Variants in STK35 observed in about 807,000 individuals in gnomAD.
The protein encoded by STK35 is serine/threonine-protein kinase 35.
Under a neutral mutation model 37.3 loss-of-function variants are expected in STK35, and 17 were observed. The ratio of observed to expected loss-of-function variants is 0.46; its 90% CI spans 0.31 to 0.68. STK35 has a LOEUF of 0.68. Among genes scored for constraint, STK35 ranks in the 30% least tolerant of loss-of-function variants. The pLI, the probability that STK35 is intolerant of heterozygous loss-of-function variation, is 0.05. For synonymous variants in STK35, 385 were observed against 319.1 expected (o/e 1.21, Z -2.20); for missense variants, 595 against 746.7 (o/e 0.80, Z 2.37).
At chr20:2,103,462 G>T in intron 2 of STK35, 97 bp downstream of exon 2, 32 of 1,200,752 alleles carry the variant, frequency 2.7e-5, no homozygotes, top group Admixed American at 4.9e-5. Flanking sequence ...CTAGGCCTCA[G>T]ACCTGGTCCC....
intron 2 of STK35, among the ~76,000 whole-genome samples, chr20:2,106,051 C>T (rs187639315): frequency 1.3e-5 from 2 of 152,302 alleles, no homozygotes; most frequent in Admixed American, 6.5e-5. Flanking sequence ...ATGAAAATGA[C>T]ATTCAAGCTG....
At chr20:2,134,393 T>G (rs1211633897) in intron 3 of STK35, among the ~76,000 whole-genome samples, 1 of 151,760 alleles carries the variant, frequency 6.6e-6, no homozygotes, top group Non-Finnish European at 1.5e-5. Flanking sequence ...CTCCAAACAC[T>G]CTTTGGCCTG....
At chr20:2,134,224 C>T (rs1051667600) in intron 3 of STK35, among the ~76,000 whole-genome samples, 3 of 147,998 alleles carry the variant, frequency 2.0e-5, no homozygotes, top group East Asian at 2.0e-4. Flanking sequence ...GGTGCCACTG[C>T]ACTCCAGCCT....
intron 3 of STK35, among the ~76,000 whole-genome samples, chr20:2,135,684 G>A (rs757914315): frequency 2.0e-4 from 30 of 152,278 alleles, no homozygotes; most frequent in Non-Finnish European, 3.1e-4. Flanking sequence ...CCAACATGGC[G>A]AAACCCTGTC....
intron 3 of STK35, among the ~76,000 whole-genome samples, chr20:2,129,661 G>T (rs915365811): frequency 6.6e-6 from 1 of 152,156 alleles, no homozygotes; most frequent in Non-Finnish European, 1.5e-5. Context: ...TTTGAGAGAC[G>T]TGTCATACGA....
intron 2 of STK35, among the ~76,000 whole-genome samples, chr20:2,104,556 A>G (rs969451208): frequency 1.3e-5 from 2 of 152,106 alleles, no homozygotes; most frequent in African/African-American, 4.8e-5. Context: ...ATCCTTTCGA[A>G]GGCGTAATGC....
chr20:2,131,478 T>C (rs996927437), intron 3 of STK35, among the ~76,000 whole-genome samples: 3 of 152,086 alleles, frequency 2.0e-5, no homozygotes, highest in Non-Finnish European at 4.4e-5. Flanking sequence ...TTTGTTTTTT[T>C]TTTTAAGATT....
intron 3 of STK35, among the ~76,000 whole-genome samples, chr20:2,122,678 A>G (rs892243397): frequency 1.3e-5 from 2 of 152,146 alleles, no homozygotes; most frequent in African/African-American, 4.8e-5. Flanking sequence ...TTGTTGGGGG[A>G]ATCACAAGAG....
chr20:2,130,657 C>T (rs750435209), intron 3 of STK35, among the ~76,000 whole-genome samples: 62 of 152,146 alleles, frequency 4.1e-4, no homozygotes, highest in Admixed American at 1.5e-3. Context: ...ATTTTGAGAA[C>T]TACTTTAATT....
intron 2 of STK35, among the ~76,000 whole-genome samples, chr20:2,105,118 T>C (rs1032339946): frequency 1.6e-4 from 23 of 147,918 alleles, no homozygotes; most frequent in African/African-American, 5.3e-4. Context: ...TATCATGCAA[T>C]GGCACTATAA....
chr20:2,113,432 T>C (rs6075658), intron 2 of STK35, among the ~76,000 whole-genome samples: 79,422 of 152,052 alleles, frequency 0.52, 21,582 homozygotes, highest in East Asian at 0.94. Context: ...GATAGACTGG[T>C]GTTGCAGCTA....
At chr20:2,125,705 T>G (rs952718484) in intron 3 of STK35, among the ~76,000 whole-genome samples, 1 of 152,224 alleles carries the variant, frequency 6.6e-6, no homozygotes, top group Non-Finnish European at 1.5e-5. Context: ...TGTGGATTCC[T>G]CCTGTGTTAC....
chr20:2,134,517 C>T (rs1401455406), intron 3 of STK35, among the ~76,000 whole-genome samples: 4 of 152,138 alleles, frequency 2.6e-5, no homozygotes, highest in African/African-American at 9.7e-5. Context: ...AAATAAGGGG[C>T]CTATAGAGGG....
chr20:2,138,737 C>T (rs1468113124), intron 3 of STK35, among the ~76,000 whole-genome samples: 2 of 152,162 alleles, frequency 1.3e-5, no homozygotes, highest in Non-Finnish European at 2.9e-5. Flanking sequence ...ATGTTTTAGG[C>T]CAGGCATGGT....
rs1322221542 is a variant in STK35, at chr20:2,143,809, C to G, written c.*63C>G. Reference sequence around the variant, plus strand: ...GTCGATTCCTCGGGACCCACAGTCTCACCACGTCTCCTCCAGAGGACGGCA... The same window carrying G: ...GTCGATTCCTCGGGACCCACAGTCTGACCACGTCTCCTCCAGAGGACGGCA... On this transcript the variant is annotated 3_prime_UTR_variant, in exon 4 of 4. Coordinates refer to ENST00000381482, the MANE Select transcript of STK35 (RefSeq NM_080836.4). The G allele has an allele frequency of 4.9e-6, 2 of 411,056 alleles. No individual in the cohort carries two copies. Among genetic ancestry groups the G allele is most frequent in the African/African-American group, 4.3e-5 (2 of 46,876 alleles). 25.5% of individuals were successfully genotyped at this position (411,056 alleles called of 1,614,324 possible).
Position 2,144,154 on chromosome 20 carries a change from CT to C in STK35, c.*410del, listed in dbSNP as rs1986218710. The C allele has an allele frequency of 3.3e-6, 1 of 307,650 alleles. No homozygotes were observed. The highest frequency in any genetic ancestry group is 2.3e-5 in the African/African-American group (1 of 42,940). The allele number at this position is 307,650 out of a possible 1,614,324, so 19.1% of individuals were successfully genotyped here. A position where few individuals can be genotyped will look rare whatever the true frequency, so the allele number is the denominator to read the frequency against. ...GTTTTGTCCTTCACTTTCCCTCTGTCTTCCTTCTTTATACTTTTCTCAGTTC... is the reference window on the plus strand; with the variant it reads ...GTTTTGTCCTTCACTTTCCCTCTGTCTCCTTCTTTATACTTTTCTCAGTTC... On this transcript the variant is annotated 3_prime_UTR_variant, in exon 4 of 4. Transcript: ENST00000381482.
At chr20:2,134,313 A>AAGG (rs1349295727) in intron 3 of STK35, among the ~76,000 whole-genome samples, 4 of 150,878 alleles carry the variant, frequency 2.7e-5, no homozygotes, top group African/African-American at 7.3e-5. Flanking sequence ...AGAAACTTTC[A>AAGG]AGGAGGAGGA....
chr20:2,133,242 T>C (rs149311817), intron 3 of STK35, among the ~76,000 whole-genome samples: 3 of 152,296 alleles, frequency 2.0e-5, no homozygotes, highest in Admixed American at 2.0e-4. Flanking sequence ...AGAGTGACCG[T>C]TCCCCTTTAG....
chr20:2,142,387 C>A (rs1197468609), intron 3 of STK35, among the ~76,000 whole-genome samples: 1 of 152,170 alleles, frequency 6.6e-6, no homozygotes, highest in Non-Finnish European at 1.5e-5. Flanking sequence ...GGACAACGAG[C>A]TGGTGTTGTC....
Sources: allele counts gnomAD v4.1 joint callset (sites outside exome capture counted in the v4.1 genomes callset), GRCh38; gene constraint gnomAD v4.1.1; transcripts MANE v1.5; gene names NCBI Gene and HGNC (gene_info 2026-07-23, HGNC 2026-07-21).